The following OPRM1 variants were observed in gnomAD, a reference collection of about 807,000 sequenced individuals.
The protein encoded by OPRM1 is opioid receptor mu 1.
Under a neutral mutation model 31.8 loss-of-function variants are expected in OPRM1, and 27 were observed. That is an observed-to-expected ratio of 0.85 (90% CI 0.63 to 1.17). The LOEUF is 1.17. OPRM1 is among the 50% of genes most tolerant of loss of function. The pLI is 0.00. For missense variants in OPRM1, 536 were observed against 511.1 expected, an observed-to-expected ratio of 1.05 and a Z score of -0.47; for synonymous variants, 196 against 189.9, an observed-to-expected ratio of 1.03 and a Z score of -0.26.
At chr6:154,170,586 A>G (rs958692541) in intron 3 of OPRM1, among the ~76,000 whole-genome samples, 8 of 152,354 alleles carry the variant, frequency 5.3e-5, no homozygotes, top group African/African-American at 7.2e-5. Context: ...ACCGTCTCAC[A>G]AAAGGGAAGA....
chr6:154,081,270 G>A (rs760817756), intron 1 of OPRM1, among the ~76,000 whole-genome samples: 5 of 152,170 alleles, frequency 3.3e-5, no homozygotes, highest in Non-Finnish European at 7.3e-5. Flanking sequence ...TTGGGAGGCC[G>A]AGGCAGGCAG....
intron 1 of OPRM1, among the ~76,000 whole-genome samples, chr6:154,089,600 A>AG (rs1791532003): frequency 6.6e-6 from 1 of 150,924 alleles, no homozygotes; most frequent in South Asian, 2.1e-4. Flanking sequence ...AAAAAAAAAA[A>AG]GGAAGAAACT....
chr6:154,151,178 G>A (rs1798489502), intron 3 of OPRM1, among the ~76,000 whole-genome samples: 3 of 152,216 alleles, frequency 2.0e-5, no homozygotes, highest in East Asian at 1.9e-4. Flanking sequence ...GGTATCCTGG[G>A]TCCTTTCCAG....
At chr6:154,181,830 T>C (rs1035460762) in intron 3 of OPRM1, among the ~76,000 whole-genome samples, 3 of 152,124 alleles carry the variant, frequency 2.0e-5, no homozygotes, top group African/African-American at 7.2e-5. Flanking sequence ...AACTGGACAC[T>C]TGGGGATCAT....
chr6:154,179,266 C>G (rs142915979), intron 3 of OPRM1, among the ~76,000 whole-genome samples: 313 of 152,260 alleles, frequency 2.1e-3, no homozygotes, highest in African/African-American at 6.9e-3. Context: ...CTACAGCAGG[C>G]TTGTCAAACC....
intron 3 of OPRM1, among the ~76,000 whole-genome samples, chr6:154,113,611 T>G (rs1796567774): frequency 6.6e-6 from 1 of 152,180 alleles, no homozygotes; most frequent in South Asian, 2.1e-4. Context: ...CAGTATGAGC[T>G]GTCTGAGTGA....
At chr6:154,118,077 G>A (rs1797063818) in intron 3 of OPRM1, among the ~76,000 whole-genome samples, 1 of 152,072 alleles carries the variant, frequency 6.6e-6, no homozygotes, top group South Asian at 2.1e-4. Flanking sequence ...AACTTATTCT[G>A]TTTCCACAGT....
rs1799624039 is a variant in OPRM1 at position 154,168,616 on chromosome 6, T to C, written c.1164+77144T>C. 6.6e-6 allele frequency among the ~76,000 whole-genome samples: 1 copy of C among 151,964 alleles called. No homozygotes were observed. The highest frequency in any genetic ancestry group is 6.6e-5 in the Admixed American group (1 of 15,254). On this transcript the variant is annotated intron_variant, in intron 3 of 3. Coordinates refer to the OPRM1 transcript ENST00000337049. The surrounding 1 kb of genome is among the most constrained non-coding windows in gnomAD (Gnocchi z 4.1). ...ATTAATTAATTAATTTTATTATTAT[T>C]TTTTTTGAGACGGAGTTTTACTGCT...
intron 3 of OPRM1, among the ~76,000 whole-genome samples, chr6:154,113,280 G>A (rs767502081): frequency 2.0e-5 from 3 of 152,154 alleles, no homozygotes; most frequent in Non-Finnish European, 4.4e-5. Context: ...ACTGCTGTAT[G>A]GAAATAGAAA....
chr6:154,245,694 C>T (rs1050137086), intron 3 of OPRM1, among the ~76,000 whole-genome samples: 1 of 152,158 alleles, frequency 6.6e-6, no homozygotes, highest in Non-Finnish European at 1.5e-5. Context: ...CCTTAATTGA[C>T]TAAAGGCCCT....
intron 3 of OPRM1, among the ~76,000 whole-genome samples, chr6:154,152,224 G>A (rs1363590649): frequency 8.6e-5 from 10 of 116,662 alleles, no homozygotes; most frequent in East Asian, 4.8e-4. Flanking sequence ...AAGAAAGAAC[G>A]AAAAAGAAAG....
chr6:154,079,448 A>T (rs1208901415), intron 1 of OPRM1, among the ~76,000 whole-genome samples: 1 of 152,162 alleles, frequency 6.6e-6, no homozygotes, highest in Non-Finnish European at 1.5e-5. Flanking sequence ...CAGAGAGATA[A>T]TCAGGCTCAG....
chr6:154,049,781 C>T (rs1412774758), intron 1 of OPRM1, among the ~76,000 whole-genome samples: 1 of 152,150 alleles, frequency 6.6e-6, no homozygotes, highest in East Asian at 1.9e-4. Context: ...AACCACATCA[C>T]ACAAATTTAA....
At position 154,124,861 on chromosome 6, in the gene OPRM1, A is replaced by G. The variant is rs1797496999; in HGVS notation, c.*6140A>G. Reference sequence around the variant, plus strand: ...CAACACACCTTGCTGCTACTTAGAGAAAGTAGTTCACCTCACTACCTTTTA... The same window carrying G: ...CAACACACCTTGCTGCTACTTAGAGGAAGTAGTTCACCTCACTACCTTTTA... On this transcript the variant is annotated 3_prime_UTR_variant, in exon 4 of 4. Coordinates refer to ENST00000330432, the MANE Select transcript of OPRM1 (RefSeq NM_000914.5). Among the ~76,000 whole-genome samples, 1 of 152,234 alleles carries G rather than the reference A, an allele frequency of 6.6e-6. No individual in the cohort carries two copies. Among genetic ancestry groups the G allele is most frequent in the Non-Finnish European group, 1.5e-5 (1 of 68,038 alleles).
chr6:154,087,129 CA>C lies in OPRM1; in HGVS notation c.291-2689del, dbSNP rs775271590. ...GAAAGTGAAACTCCCAAAGTAAGTC[CA>C]AAAAAAAGCCCCCAAGTCTGAAAAT... On this transcript the variant is annotated intron_variant, in intron 1 of 3. Coordinates refer to ENST00000330432, the MANE Select transcript of OPRM1 (RefSeq NM_000914.5). 161 of 983,976 alleles carry C rather than the reference CA, an allele frequency of 1.6e-4. 1 individual carries two copies. In the East Asian group the frequency reaches 2.3e-3, roughly 14 times the overall value. The allele number at this position is 983,976 out of a possible 1,614,324, so 61.0% of individuals were successfully genotyped here. A position where few individuals can be genotyped will look rare whatever the true frequency, so the allele number is the denominator to read the frequency against.
At chr6:154,021,185 C>A (rs1455387176) in intron 1 of OPRM1, among the ~76,000 whole-genome samples, 1 of 152,186 alleles carries the variant, frequency 6.6e-6, no homozygotes, top group East Asian at 1.9e-4. Flanking sequence ...GTGTGAACAT[C>A]CCATTGTTCA....
downstream of OPRM1, among the ~76,000 whole-genome samples, chr6:154,137,262 G>A (rs1374737399): frequency 6.6e-6 from 1 of 152,106 alleles, no homozygotes; most frequent in Non-Finnish European, 1.5e-5. Context: ...ATGGTAAAGA[G>A]AATATTACAT....
intron 3 of OPRM1, among the ~76,000 whole-genome samples, chr6:154,141,837 G>T (rs1241505584): frequency 4.0e-5 from 6 of 149,328 alleles, no homozygotes; most frequent in Non-Finnish European, 8.9e-5. Context: ...TGGGAGGCAG[G>T]TTTGCCCTAA....
intron 1 of OPRM1, among the ~76,000 whole-genome samples, chr6:154,020,569 G>A (rs1446782860): frequency 3.3e-5 from 5 of 152,116 alleles, no homozygotes; most frequent in African/African-American, 4.8e-5. Flanking sequence ...AAACACAACC[G>A]AACACTTTAT....
Sources: allele counts gnomAD v4.1 joint callset (sites outside exome capture counted in the v4.1 genomes callset), GRCh38; gene constraint gnomAD v4.1.1; non-coding constraint Gnocchi (gnomAD v3.1); transcripts MANE v1.5; gene names NCBI Gene and HGNC (gene_info 2026-07-23, HGNC 2026-07-21).